Variants in GAB2 observed in about 807,000 individuals in gnomAD.
GAB2 encodes the protein GRB2 associated binding protein 2.
A neutral mutation model predicts 65.5 loss-of-function variants in GAB2; 26 were observed. The observed-to-expected ratio is 0.40, with a 90% CI of 0.29 to 0.55. The LOEUF is 0.55. Ranked by LOEUF, GAB2 falls within the 20% of genes least tolerant of loss-of-function variation. GAB2 has a pLI of 0.53. For synonymous variants in GAB2, 321 were observed against 329.6 expected (o/e 0.97, Z 0.28); for missense variants, 884 against 875.8 (o/e 1.01, Z -0.12).
chr11:78,312,449 G>T (rs143174993), intron 1 of GAB2, among the ~76,000 whole-genome samples: 4,654 of 152,156 alleles, frequency 0.031, 223 homozygotes, highest in African/African-American at 0.11. Context: ...TTTTTGAGAC[G>T]GAGTCTCGCT....
rs71046967 is a variant in GAB2 at position 78,346,674 on chromosome 11, CATATATATATATATATAT to C, written c.76-65791_76-65774del. Among the ~76,000 whole-genome samples the C allele has an allele frequency of 3.3e-3, 180 of 54,908 alleles. 3 individuals carry two copies. The highest frequency in any genetic ancestry group is 0.026 in the South Asian group (27 of 1,026). The allele number at this position is 54,908 out of a possible 152,430, so 36.0% of individuals were successfully genotyped here. A position where few individuals can be genotyped will look rare whatever the true frequency, so the allele number is the denominator to read the frequency against. On this transcript the variant is annotated intron_variant, in intron 1 of 9. Transcript: ENST00000361507. ...TGGGCTGTTCTGTTTACATCCCCTC[CATATATATATATATATAT>C]ATATATATATATATATATATATATA...
rs180959251 is a variant in GAB2, at chr11:78,399,780, C to A, written c.75+17866G>T. On this transcript the variant is annotated intron_variant, in intron 1 of 9. Transcript: ENST00000361507. ...ATGCCACCTCCCCCAGTACTTAATA[C>A]TCTGGACTAGACACTGTGCTAAGAT... 1.2e-4 allele frequency among the ~76,000 whole-genome samples: 19 copies of A among 152,296 alleles called. 1 individual carries two copies. The East Asian group carries it at 3.3e-3, about 26-fold the overall frequency.
chr11:78,337,955 T>C (rs928475751), intron 1 of GAB2, among the ~76,000 whole-genome samples: 1 of 152,240 alleles, frequency 6.6e-6, no homozygotes, highest in African/African-American at 2.4e-5. Context: ...AGGCCTGGAC[T>C]ACATTATCCT....
chr11:78,247,953 G>A (rs1274850298), intron 3 of GAB2, among the ~76,000 whole-genome samples: 2 of 152,172 alleles, frequency 1.3e-5, no homozygotes, highest in East Asian at 3.9e-4. Context: ...AGAAGAACAT[G>A]ACTTGGTCAA....
intron 1 of GAB2, among the ~76,000 whole-genome samples, chr11:78,321,420 T>A (rs1184351037): frequency 1.3e-5 from 2 of 152,200 alleles, no homozygotes; most frequent in East Asian, 3.8e-4. Context: ...CTGAATTACC[T>A]CTTTACTATA....
At chr11:78,284,724 A>T (rs972196397) in intron 1 of GAB2, among the ~76,000 whole-genome samples, 7 of 151,230 alleles carry the variant, frequency 4.6e-5, no homozygotes, top group African/African-American at 1.5e-4. Flanking sequence ...TACTGGTCTC[A>T]CAAAGCATGT....
chr11:78,289,211 C>T (rs1486948600), intron 1 of GAB2, among the ~76,000 whole-genome samples: 1 of 152,018 alleles, frequency 6.6e-6, no homozygotes, highest in African/African-American at 2.4e-5. Context: ...ATTGGCCTGG[C>T]CAACATGGCA....
intron 2 of GAB2, among the ~76,000 whole-genome samples, chr11:78,267,640 C>T (rs542534681): frequency 1.1e-4 from 17 of 151,814 alleles, no homozygotes; most frequent in Non-Finnish European, 1.9e-4. Flanking sequence ...GGGTAGATGA[C>T]GAGGTCAGGA....
Position 78,333,233 on chromosome 11 carries a change from A to G in GAB2, c.76-52332T>C, listed in dbSNP as rs1279080385. ...AGTCCTTCTTCTAGGATTATAATGA[A>G]TAATTTGAGTCCAAAGATCTTTTGG... is the stretch of plus-strand genomic sequence containing the variant. On this transcript the variant is annotated intron_variant, in intron 1 of 9. Transcript: ENST00000361507. 5.9e-5 allele frequency among the ~76,000 whole-genome samples: 9 copies of G among 152,176 alleles called. No individual in the cohort carries two copies. In the East Asian group the frequency reaches 1.7e-3, roughly 29 times the overall value.
At chr11:78,285,000 G>A (rs1866437828) in intron 1 of GAB2, among the ~76,000 whole-genome samples, 1 of 152,192 alleles carries the variant, frequency 6.6e-6, no homozygotes, top group Non-Finnish European at 1.5e-5. Flanking sequence ...GGTATAGCCA[G>A]ATAGGATGGA....
At chr11:78,366,609 A>AAT (rs1856501171) in intron 1 of GAB2, among the ~76,000 whole-genome samples, 1 of 147,404 alleles carries the variant, frequency 6.8e-6, no homozygotes, top group African/African-American at 2.5e-5. Flanking sequence ...AAAAAAAAAA[A>AAT]GATGAGTACT....
At chr11:78,296,856 G>T (rs1236239812) in intron 1 of GAB2, among the ~76,000 whole-genome samples, 1 of 152,208 alleles carries the variant, frequency 6.6e-6, no homozygotes, top group Non-Finnish European at 1.5e-5. Context: ...CAGGATCAAG[G>T]CACCAGCAGA....
At chr11:78,271,763 C>T (rs562626334) in intron 2 of GAB2, among the ~76,000 whole-genome samples, 13 of 152,238 alleles carry the variant, frequency 8.5e-5, no homozygotes, top group East Asian at 1.9e-4. Context: ...GAGGCCAAGG[C>T]GGGTGGATCA....
At chr11:78,323,225 C>T (rs936302039) in intron 1 of GAB2, among the ~76,000 whole-genome samples, 1 of 152,044 alleles carries the variant, frequency 6.6e-6, no homozygotes, top group East Asian at 1.9e-4. Context: ...AAACAGAAAA[C>T]CAGTCTTGAT....
chr11:78,311,217 T>C (rs183874673), intron 1 of GAB2, among the ~76,000 whole-genome samples: 1 of 152,284 alleles, frequency 6.6e-6, no homozygotes, highest in Admixed American at 6.5e-5. Flanking sequence ...TCCCCCCATA[T>C]TTACTGAACA....
chr11:78,333,511 T>C (rs535267322), intron 1 of GAB2, among the ~76,000 whole-genome samples: 20 of 152,118 alleles, frequency 1.3e-4, no homozygotes, highest in Non-Finnish European at 2.4e-4. Flanking sequence ...CAAGAGATCT[T>C]TCCATCTTGG....
chr11:78,405,977 C>A (rs527971568), intron 1 of GAB2, among the ~76,000 whole-genome samples: 36 of 152,312 alleles, frequency 2.4e-4, no homozygotes, highest in African/African-American at 6.7e-4. Flanking sequence ...TGGTCCAACC[C>A]TCACCCACAG....
At chr11:78,385,271 C>T (rs543419908) in intron 1 of GAB2, among the ~76,000 whole-genome samples, 3 of 152,252 alleles carry the variant, frequency 2.0e-5, no homozygotes, top group East Asian at 1.9e-4. Flanking sequence ...TGGATCTTCA[C>T]GGGAAAGGCC....
At chr11:78,367,650 C>A (rs1732632246) in intron 1 of GAB2, among the ~76,000 whole-genome samples, 1 of 152,092 alleles carries the variant, frequency 6.6e-6, no homozygotes, top group Admixed American at 6.6e-5. Context: ...GAACATGTAT[C>A]ATGATTTTTG....
Sources: allele counts gnomAD v4.1 joint callset (sites outside exome capture counted in the v4.1 genomes callset), GRCh38; gene constraint gnomAD v4.1.1; transcripts MANE v1.5; gene names NCBI Gene and HGNC (gene_info 2026-07-23, HGNC 2026-07-21).